Variants in TMEM108 observed in about 807,000 individuals in gnomAD.
TMEM108 encodes the protein transmembrane protein 108, also known as cancer/testis antigen 124.
Under a neutral mutation model 35.1 loss-of-function variants are expected in TMEM108, and 12 were observed. That is an observed-to-expected ratio of 0.34 (90% CI 0.22 to 0.55). The LOEUF (loss-of-function observed/expected upper bound fraction) is 0.55. TMEM108 is among the 20% of genes least tolerant of loss of function. TMEM108 has a pLI of 0.89. For missense variants in TMEM108, 680 were observed against 753.3 expected, an observed-to-expected ratio of 0.90 and a Z score of 1.14; for synonymous variants, 287 against 308.6, an observed-to-expected ratio of 0.93 and a Z score of 0.73.
At chr3:133,109,962 A>G (rs192541692) in intron 2 of TMEM108, among the ~76,000 whole-genome samples, 1 of 152,192 alleles carries the variant, frequency 6.6e-6, no homozygotes, top group Non-Finnish European at 1.5e-5. Flanking sequence ...TCTTTTTAGG[A>G]TTGGTAAGTA....
intron 2 of TMEM108, among the ~76,000 whole-genome samples, chr3:133,129,274 CAG>C (rs943158798): frequency 2.6e-5 from 4 of 151,520 alleles, no homozygotes; most frequent in Admixed American, 6.6e-5. Context: ...ATCTGGGAGA[CAG>C]GGGCTGCAGT....
Position 133,395,966 on chromosome 3 carries a change from G to A in TMEM108, c.1708G>A (p.Asp570Asn), listed in dbSNP as rs779321944. ...TCAAGAAACACTGTTTGTGGGAAAC[G>A]ATCAAGTATCTGAGATCTAACTACA... ...FCQETLFVGN[D>N]QVSEI Residue 570 changes from aspartate (D) to asparagine (N), a missense_variant, in exon 6 of 6, where the codon GAT becomes AAT. Physicochemically the swap from Asp to Asn is conservative, Grantham distance 23. Around this residue, in one of 3 missense-constraint regions of TMEM108, gnomAD observed 105 missense variants for 150.7 expected, o/e 0.70. Coordinates refer to ENST00000321871, the MANE Select transcript of TMEM108 (RefSeq NM_023943.4). 1.1e-5 allele frequency: 18 copies of A among 1,600,100 alleles called. No individual in the cohort carries two copies. The Admixed American group carries it at 1.4e-4, about 12-fold the overall frequency.
intron 2 of TMEM108, among the ~76,000 whole-genome samples, chr3:133,199,759 C>T (rs1396308768): frequency 6.6e-6 from 1 of 152,176 alleles, no homozygotes; most frequent in East Asian, 1.9e-4. Flanking sequence ...AGATCTCAAA[C>T]TCCGTGCTGG....
chr3:133,326,631 G>T (rs1034398945), intron 3 of TMEM108, among the ~76,000 whole-genome samples: 2 of 152,048 alleles, frequency 1.3e-5, no homozygotes, highest in South Asian at 4.2e-4. Flanking sequence ...GTCTATAGTG[G>T]GAGTGACTGA....
chr3:133,345,559 G>A (rs2071791369), intron 3 of TMEM108, among the ~76,000 whole-genome samples: 1 of 151,410 alleles, frequency 6.6e-6, no homozygotes, highest in Admixed American at 6.6e-5. Flanking sequence ...TATGATGAAA[G>A]ACAAAAATAA....
chr3:133,303,343 T>G (rs1254529232), intron 3 of TMEM108: 2 of 152,156 alleles, frequency 1.3e-5, no homozygotes, highest in African/African-American at 4.8e-5. Context: ...CTGGGGTAAG[T>G]GGGTAAGTTT....
chr3:133,151,133 G>A (rs956436364), intron 2 of TMEM108, among the ~76,000 whole-genome samples: 2 of 151,976 alleles, frequency 1.3e-5, no homozygotes, highest in African/African-American at 4.8e-5. Context: ...CCCTGTCTGG[G>A]TAAGGGGACC....
At chr3:133,335,562 T>C (rs1003044094) in intron 3 of TMEM108, among the ~76,000 whole-genome samples, 18 of 152,262 alleles carry the variant, frequency 1.2e-4, no homozygotes, top group African/African-American at 3.6e-4. Flanking sequence ...ACTTAGCATA[T>C]CACATTTAGT....
chr3:133,215,742 A>G (rs1945898195), intron 2 of TMEM108, among the ~76,000 whole-genome samples: 1 of 152,178 alleles, frequency 6.6e-6, no homozygotes, highest in Admixed American at 6.5e-5. Context: ...GTACTCACAA[A>G]TAATAGTAGA....
At chr3:133,215,831 G>C (rs1945900108) in intron 2 of TMEM108, among the ~76,000 whole-genome samples, 1 of 151,696 alleles carries the variant, frequency 6.6e-6, no homozygotes. Flanking sequence ...TTTAAGTTGC[G>C]GTATGGTGTT....
chr3:133,238,476 A>G (rs1363032995), intron 3 of TMEM108, among the ~76,000 whole-genome samples: 1 of 152,248 alleles, frequency 6.6e-6, no homozygotes, highest in Non-Finnish European at 1.5e-5. Context: ...CAATATGGAA[A>G]CACAAGTATA....
At chr3:133,108,537 A>C (rs1944186296) in intron 2 of TMEM108, among the ~76,000 whole-genome samples, 1 of 151,446 alleles carries the variant, frequency 6.6e-6, no homozygotes, top group South Asian at 2.1e-4. Context: ...TCAGATGAGT[A>C]GGTTGTGAAA....
chr3:133,328,248 G>A (rs1341083427), intron 3 of TMEM108, among the ~76,000 whole-genome samples: 1 of 152,160 alleles, frequency 6.6e-6, no homozygotes, highest in Non-Finnish European at 1.5e-5. Context: ...AACGGTGTGT[G>A]CCTAATAGGG....
intron 3 of TMEM108, among the ~76,000 whole-genome samples, chr3:133,278,527 C>A (rs1350113936): frequency 1.3e-5 from 2 of 152,216 alleles, no homozygotes; most frequent in Non-Finnish European, 2.9e-5. Context: ...CAGTATACTA[C>A]ACACCTACGC....
At chr3:133,303,511 TG>T (rs1374112434) in intron 3 of TMEM108, among the ~76,000 whole-genome samples, 1 of 152,168 alleles carries the variant, frequency 6.6e-6, no homozygotes, top group African/African-American at 2.4e-5. Context: ...TTCAGTATCC[TG>T]AAAAGAACTT....
chr3:133,307,203 A>G (rs148757619), intron 3 of TMEM108, among the ~76,000 whole-genome samples: 3 of 152,200 alleles, frequency 2.0e-5, no homozygotes, highest in Admixed American at 1.3e-4. Context: ...ACCTTTGCCC[A>G]CTTTATGATG....
chr3:133,131,965 C>A (rs1184985037), intron 2 of TMEM108, among the ~76,000 whole-genome samples: 1 of 152,104 alleles, frequency 6.6e-6, no homozygotes, highest in African/African-American at 2.4e-5. Flanking sequence ...TCACAACATT[C>A]CCTTAAGCCA....
At chr3:133,231,864 A>C (rs1008214407) in intron 3 of TMEM108, among the ~76,000 whole-genome samples, 3 of 152,158 alleles carry the variant, frequency 2.0e-5, no homozygotes, top group African/African-American at 7.2e-5. Context: ...AGTTTACCTA[A>C]GTCTCCTCAA....
chr3:133,153,198 G>A (rs1379685575), intron 2 of TMEM108, among the ~76,000 whole-genome samples: 1 of 151,936 alleles, frequency 6.6e-6, no homozygotes, highest in African/African-American at 2.4e-5. Context: ...TTTCATCTTG[G>A]GTCCCTCATA....
Sources: allele counts gnomAD v4.1 joint callset (sites outside exome capture counted in the v4.1 genomes callset), GRCh38; gene constraint gnomAD v4.1.1; regional missense constraint gnomAD v4.1.1; transcripts MANE v1.5; gene names NCBI Gene and HGNC (gene_info 2026-07-23, HGNC 2026-07-21).